Variants in PDZD2 observed in about 807,000 individuals in gnomAD.
The protein encoded by PDZD2 is PDZ domain containing 2, also known as PDZ domain-containing protein 2.
Under a neutral mutation model 220.7 loss-of-function variants are expected in PDZD2, and 90 were observed. That is an observed-to-expected ratio of 0.41 (90% confidence interval 0.34 to 0.49). The LOEUF is 0.49. Ranked by LOEUF, PDZD2 falls within the 20% of genes least tolerant of loss-of-function variation. The probability of loss-of-function intolerance (pLI) is 0.28; values close to 1 mark genes in which losing one functional copy is unlikely to be tolerated. For missense variants in PDZD2, 3,174 were observed against 3,608.5 expected, an observed-to-expected ratio of 0.88 and a Z score of 3.08; for synonymous variants, 1,375 against 1,450.5, an observed-to-expected ratio of 0.95 and a Z score of 1.18.
chr5:31,746,066 T>C (rs2150171872), intron 1 of PDZD2, among the ~76,000 whole-genome samples: 1 of 152,024 alleles, frequency 6.6e-6, no homozygotes, highest in Middle Eastern at 3.4e-3. Flanking sequence ...TGTGGAGCTC[T>C]AGCTGGTTTG....
At chr5:31,793,038 A>G (rs1435920996) in intron 1 of PDZD2, among the ~76,000 whole-genome samples, 3 of 145,784 alleles carry the variant, frequency 2.1e-5, no homozygotes, top group African/African-American at 7.6e-5. Flanking sequence ...GGGTTTCACC[A>G]TGTTGGCCAG....
At chr5:31,784,646 C>T (rs1001279298) in intron 1 of PDZD2, among the ~76,000 whole-genome samples, 8 of 151,996 alleles carry the variant, frequency 5.3e-5, no homozygotes, top group African/African-American at 1.9e-4. Context: ...TGGTGGCTCA[C>T]GCCTGTAATC....
At chr5:31,766,013 T>C (rs1229569053) in intron 1 of PDZD2, among the ~76,000 whole-genome samples, 1 of 141,538 alleles carries the variant, frequency 7.1e-6, no homozygotes, top group Non-Finnish European at 1.6e-5. Context: ...ACCCTATCTC[T>C]ACAAAAAATT....
intron 1 of PDZD2, among the ~76,000 whole-genome samples, chr5:31,708,616 C>T (rs867912768): frequency 6.6e-6 from 1 of 152,162 alleles, no homozygotes; most frequent in African/African-American, 2.4e-5. Context: ...TAAAGTTGGG[C>T]CACCATGTAC....
intron 2 of PDZD2, among the ~76,000 whole-genome samples, chr5:31,857,653 T>C (rs1484357542): frequency 1.3e-5 from 2 of 152,172 alleles, no homozygotes; most frequent in African/African-American, 4.8e-5. Context: ...TAGGATTTCC[T>C]CGTCATCCTC....
intron 1 of PDZD2, among the ~76,000 whole-genome samples, chr5:31,673,258 G>C (rs1427467373): frequency 6.6e-6 from 1 of 152,226 alleles, no homozygotes. Context: ...GCACAGGACA[G>C]TTCTGTACTC....
chr5:32,088,450 C>G lies in PDZD2; in HGVS notation c.5002C>G (p.Leu1668Val). The change falls in exon 20 of 25, where the codon CTC (leucine) becomes GTC (valine). Residue 1668 changes from leucine to valine, a missense_variant. Transcript: ENST00000438447. The surrounding 1 kb of genome is among the most constrained non-coding windows in gnomAD (Gnocchi z 4.6). ...CCCAGACTCTTCCCAGCCATCATCA[C>G]TCTTGGAGATGAGCTCTCAGGAGCA... ...SGPDSSQPSS[L>V]LEMSSQEHET... is the part of the protein sequence containing the mutation. 2 of 1,614,110 alleles carry G rather than the reference C, an allele frequency of 1.2e-6. No homozygotes were observed. The highest frequency in any genetic ancestry group is 1.7e-6 in the Non-Finnish European group (2 of 1,179,998).
chr5:31,817,965 A>ATT (rs368621112), intron 2 of PDZD2, among the ~76,000 whole-genome samples: 19,580 of 112,166 alleles, frequency 0.17, 2,279 homozygotes, highest in Middle Eastern at 0.24. Context: ...CACCTGGCCA[A>ATT]TTTTTTTTTT....
rs200058649 is a variant in PDZD2 at position 31,670,154 on chromosome 5, T to TA, written c.-361+30718dup. ...TTAGCAATTCAGTTGTTCCTGTAGT[T>TA]AGGAGGCATTGTTTTCAGGGTGTTT... On this transcript the variant is annotated intron_variant, in intron 1 of 24. Transcript: ENST00000438447. Among the ~76,000 whole-genome samples, 842 of 152,262 alleles carry TA rather than the reference T, an allele frequency of 5.5e-3. 7 individuals carry two copies. The highest frequency in any genetic ancestry group is 0.019 in the African/African-American group (805 of 41,562).
chr5:31,780,509 G>A (rs1274326226), intron 1 of PDZD2, among the ~76,000 whole-genome samples: 2 of 152,142 alleles, frequency 1.3e-5, no homozygotes, highest in African/African-American at 2.4e-5. Flanking sequence ...AAAGAAAAGC[G>A]AAAGCCAGTG....
At chr5:32,077,839 C>G (rs1041912751) in intron 19 of PDZD2, 1 of 420,270 alleles carries the variant, frequency 2.4e-6, no homozygotes, top group African/African-American at 2.1e-5. Context: ...CACCTTTAAT[C>G]CCAGCTACTT....
At chr5:32,004,222 G>T (rs749433130) in intron 5 of PDZD2, among the ~76,000 whole-genome samples, 1 of 152,120 alleles carries the variant, frequency 6.6e-6, no homozygotes, top group Non-Finnish European at 1.5e-5. Flanking sequence ...AAGAAAGCAC[G>T]CTGCATGTAC....
rs147378415 is a variant in PDZD2, at chr5:31,694,349, G to A, written c.-361+54912G>A. Among the ~76,000 whole-genome samples, 324 of 152,014 alleles carry A rather than the reference G, an allele frequency of 2.1e-3. 1 individual carries two copies. The highest frequency in any genetic ancestry group is 7.0e-3 in the African/African-American group (289 of 41,458). On this transcript the variant is annotated intron_variant, in intron 1 of 24. Coordinates refer to ENST00000438447, the MANE Select transcript of PDZD2 (RefSeq NM_178140.4). Reference sequence around the variant, plus strand: ...GGAGGTTGCAGTGAGCCAAGATTGCGTCACTGTACTGTAGCCTGGGCAACA... The same window carrying A: ...GGAGGTTGCAGTGAGCCAAGATTGCATCACTGTACTGTAGCCTGGGCAACA...
rs67969355 is a variant in PDZD2, at chr5:31,881,326, ATGTGTGTGTG to A, written c.476+81636_476+81645del. On this transcript the variant is annotated intron_variant, in intron 2 of 24. Transcript: ENST00000438447. ...CTTGTCTCATCCCATTTCCATATATATGTGTGTGTGTGTGTGTGTGTGTGTGTGTGTGTGT... is the reference window on the plus strand; with the variant it reads ...CTTGTCTCATCCCATTTCCATATATATGTGTGTGTGTGTGTGTGTGTGTGT... 2.9e-3 allele frequency among the ~76,000 whole-genome samples: 358 copies of A among 123,248 alleles called. 2 individuals carry two copies. Among genetic ancestry groups the A allele is most frequent in the African/African-American group, 7.4e-3 (238 of 32,314 alleles). The allele number at this position is 123,248 out of a possible 152,430, so 80.9% of individuals were successfully genotyped here. A position where few individuals can be genotyped will look rare whatever the true frequency, so the allele number is the denominator to read the frequency against.
rs368756182 is a variant in PDZD2 at position 31,933,580 on chromosome 5, C to G, written c.477-49575C>G. Among the ~76,000 whole-genome samples, 7 of 152,250 alleles carry G rather than the reference C, an allele frequency of 4.6e-5. No homozygotes were observed. The East Asian group carries it at 1.2e-3, about 25-fold the overall frequency. On this transcript the variant is annotated intron_variant, in intron 2 of 24. Coordinates refer to ENST00000438447, the MANE Select transcript of PDZD2 (RefSeq NM_178140.4). ...TCCCTAGGCTGGGCTTTGTGACCCG[C>G]TGGACAGCCATTACTGAGCCCCTGC...
intron 2 of PDZD2, among the ~76,000 whole-genome samples, chr5:31,981,075 C>T (rs539191076): frequency 2.6e-5 from 4 of 152,124 alleles, no homozygotes; most frequent in Admixed American, 2.0e-4. Context: ...CATGAGCCAC[C>T]GCACCTGGCC....
At chr5:31,845,978 C>T (rs1172011428) in intron 2 of PDZD2, among the ~76,000 whole-genome samples, 5 of 152,174 alleles carry the variant, frequency 3.3e-5, no homozygotes, top group Non-Finnish European at 5.9e-5. Context: ...CACCACAATC[C>T]CCCTTCCTGT....
chr5:31,984,354 C>T (rs369953141), intron 3 of PDZD2, among the ~76,000 whole-genome samples: 46 of 152,082 alleles, frequency 3.0e-4, no homozygotes, highest in African/African-American at 9.9e-4. Context: ...TCATTATAAC[C>T]AACATTCTGT....
At chr5:31,724,354 G>A (rs1430050522) in intron 1 of PDZD2, among the ~76,000 whole-genome samples, 2 of 152,082 alleles carry the variant, frequency 1.3e-5, no homozygotes, top group Non-Finnish European at 2.9e-5. Context: ...TGTAATCCCA[G>A]CACTTTGGGA....
Sources: allele counts gnomAD v4.1 joint callset (sites outside exome capture counted in the v4.1 genomes callset), GRCh38; gene constraint gnomAD v4.1.1; non-coding constraint Gnocchi (gnomAD v3.1); transcripts MANE v1.5; gene names NCBI Gene and HGNC (gene_info 2026-07-23, HGNC 2026-07-21).